PKD1L3: variants seen among roughly 807,000 people sequenced by gnomAD.
PKD1L3 encodes polycystin 1 like 3, transient receptor potential channel interacting.
In PKD1L3, 239 loss-of-function variants were observed where a neutral mutation model predicts 184.1. That is an observed-to-expected ratio of 1.30 (90% CI 1.17 to 1.45). PKD1L3 has a LOEUF of 1.45. Among genes scored for constraint, PKD1L3 ranks in the 40% most tolerant of loss-of-function variants. The pLI is 0.00. For synonymous variants in PKD1L3, 996 were observed against 778.8 expected, an observed-to-expected ratio of 1.28 and a Z score of -4.64; for missense variants, 2,660 against 2,067.2, an observed-to-expected ratio of 1.29 and a Z score of -5.56.
intron 4 of PKD1L3, among the ~76,000 whole-genome samples, chr16:71,988,753 C>G (rs76719467): frequency 0.022 from 3,333 of 152,188 alleles, 119 homozygotes; most frequent in African/African-American, 0.076. Context: ...TTATTGAGTC[C>G]AAGTTTTATG....
At chr16:71,943,747 C>T (rs544726345) in intron 23 of PKD1L3, among the ~76,000 whole-genome samples, 1 of 152,132 alleles carries the variant, frequency 6.6e-6, no homozygotes, top group African/African-American at 2.4e-5. Context: ...GAAGAGCCAT[C>T]TGCCAAAGCA....
At chr16:71,968,351 A>T (rs1240599883) in intron 13 of PKD1L3, among the ~76,000 whole-genome samples, 1 of 152,306 alleles carries the variant, frequency 6.6e-6, no homozygotes, top group Non-Finnish European at 1.5e-5. Context: ...AACTATGAAT[A>T]ATTTGGGGCA....
rs963009806 is a variant in PKD1L3 at position 71,947,608 on chromosome 16, C to T, written c.3619-17G>A. On this transcript the variant is annotated splice_polypyrimidine_tract_variant and intron_variant, in intron 21 of 29. Coordinates refer to ENST00000620267, the MANE Select transcript of PKD1L3 (RefSeq NM_181536.2). ...GAAGACCACCTGGGCAGGAGAATCA[C>T]AGAACATCGTGAGCAGACATTACAG... is the stretch of plus-strand genomic sequence containing the variant. 39 of 1,471,134 alleles carry T rather than the reference C, an allele frequency of 2.7e-5. No homozygotes were observed. Among genetic ancestry groups the T allele is most frequent in the South Asian group, 2.5e-4 (21 of 82,368 alleles). 91.1% of individuals were successfully genotyped at this position (1,471,134 alleles called of 1,614,324 possible). A position where few individuals can be genotyped will look rare whatever the true frequency, so the allele number is the denominator to read the frequency against.
rs1181773430 is a variant in PKD1L3 at position 71,945,291 on chromosome 16, TATATATATATATATAC to T, written c.3719-1137_3719-1122del. Among the ~76,000 whole-genome samples the T allele has an allele frequency of 3.1e-4, 20 of 65,314 alleles. No individual in the cohort carries two copies. The South Asian group carries it at 4.4e-3, about 14-fold the overall frequency. The allele number at this position is 65,314 out of a possible 152,430, so 42.8% of individuals were successfully genotyped here. ...CTATATATATATATATATATATATA[TATATATATATATATAC>T]ACACACACACACACATATATACACA... On this transcript the variant is annotated intron_variant, in intron 22 of 29. Coordinates refer to ENST00000620267, the MANE Select transcript of PKD1L3 (RefSeq NM_181536.2).
intron 16 of PKD1L3, 85 bp downstream of exon 16, chr16:71,963,120 T>A: frequency 3.0e-6 from 4 of 1,312,168 alleles, no homozygotes; most frequent in Non-Finnish European, 4.1e-6. Context: ...AAATGTTAAT[T>A]TGCATTAAAA....
chr16:71,943,830 AAT>A (rs2038455970), intron 23 of PKD1L3, among the ~76,000 whole-genome samples, 198 bp downstream of exon 23: 1 of 152,200 alleles, frequency 6.6e-6, no homozygotes, highest in African/African-American at 2.4e-5. Context: ...TCAAGCACAC[AAT>A]AAAACCTCTA....
Position 71,979,888 on chromosome 16 carries a change from C to T in PKD1L3, c.1296G>A (p.Leu432=). The change falls in exon 9 of 30, where the codon CTG becomes CTA. Residue 432 remains leucine, a synonymous_variant. Coordinates refer to ENST00000620267, the MANE Select transcript of PKD1L3 (RefSeq NM_181536.2). ...LSRQNISTLP[L]SSYTLGHPAP... is the part of the protein sequence containing the mutation. ...CTGGGTGACCCAGAGTGTAAGAGCT[C>T]AGCGGTAAAGTTGATATGTTTTGTC... 1.3e-6 allele frequency: 2 copies of T among 1,549,116 alleles called. No homozygotes were observed. Among genetic ancestry groups the T allele is most frequent in the South Asian group, 2.4e-5 (2 of 83,272 alleles).
At position 71,979,989 on chromosome 16, in the gene PKD1L3, T is replaced by G. The variant is rs2040086720; in HGVS notation, c.1271+18A>C. ...GAAAAACACAGTGAAACTCTCCCCG[T>G]TCCTTCTTCCCATTAACCTGCTCAG... On this transcript the variant is annotated intron_variant, in intron 8 of 29. Transcript: ENST00000620267. 1.9e-6 allele frequency: 3 copies of G among 1,551,334 alleles called. No homozygotes were observed. The highest frequency in any genetic ancestry group is 2.6e-6 in the Non-Finnish European group (3 of 1,146,952).
intron 2 of PKD1L3, among the ~76,000 whole-genome samples, chr16:71,996,258 T>C (rs1291166510): frequency 1.6e-5 from 1 of 62,518 alleles, no homozygotes; most frequent in Non-Finnish European, 3.4e-5. Context: ...CCCGCCTTTT[T>C]TTTTTTTTTT....
intron 16 of PKD1L3, among the ~76,000 whole-genome samples, chr16:71,958,373 C>T (rs1460362455): frequency 1.2e-4 from 15 of 124,180 alleles, no homozygotes; most frequent in South Asian, 2.8e-4. Flanking sequence ...GGCGACAGAG[C>T]GAGACTCCGT....
rs2039445126 is a variant in PKD1L3, at chr16:71,964,973, A to T, written c.2466-1622T>A. On this transcript the variant is annotated intron_variant, in intron 15 of 29. Coordinates refer to ENST00000620267, the MANE Select transcript of PKD1L3 (RefSeq NM_181536.2). ...GTGATTCTCCCGCCTCAGCCCCCCA[A>T]GTAGCTGGGAGTACAGGCATGAGCC... Among the ~76,000 whole-genome samples the T allele has an allele frequency of 2.0e-5, 3 of 151,606 alleles. No homozygotes were observed. The South Asian group carries it at 6.2e-4, about 32-fold the overall frequency.
chr16:71,943,066 A>G (rs930873139), intron 23 of PKD1L3, 42 bp from the exon 24 acceptor site: 1 of 1,427,394 alleles, frequency 7.0e-7, no homozygotes, highest in African/African-American at 1.4e-5. Flanking sequence ...TGAGTGGTTA[A>G]CTTAGAAATC....
chr16:71,962,986 G>A (rs1179853921), intron 16 of PKD1L3, among the ~76,000 whole-genome samples: 1 of 152,020 alleles, frequency 6.6e-6, no homozygotes, highest in Non-Finnish European at 1.5e-5. Context: ...GAAAATAAGG[G>A]CAATATTTAT....
intron 13 of PKD1L3, among the ~76,000 whole-genome samples, chr16:71,968,409 G>A (rs11644740): frequency 0.13 from 19,499 of 152,120 alleles, 1,684 homozygotes; most frequent in Non-Finnish European, 0.18. Flanking sequence ...AATTTAACTA[G>A]GTAGCCTGTA....
chr16:71,951,041 CCT>C (rs2038811285), intron 19 of PKD1L3, among the ~76,000 whole-genome samples: 1 of 149,154 alleles, frequency 6.7e-6, no homozygotes, highest in Non-Finnish European at 1.5e-5. Context: ...CCCTGCCCGA[CCT>C]GTGTTTTTTT....
At chr16:71,955,643 A>ATT (rs1454424636) in intron 16 of PKD1L3, among the ~76,000 whole-genome samples, 1 of 151,832 alleles carries the variant, frequency 6.6e-6, no homozygotes, top group Admixed American at 6.6e-5. Flanking sequence ...TACACCTAAT[A>ATT]GGGCTTAGCT....
intron 10 of PKD1L3, 64 bp downstream of exon 10, chr16:71,978,191 C>A: frequency 6.7e-7 from 1 of 1,484,836 alleles, no homozygotes; most frequent in Non-Finnish European, 9.1e-7. Context: ...GTTGTTGCAT[C>A]CTTCCATCCT....
chr16:72,000,283 G>A lies in PKD1L3; in HGVS notation c.-305C>T, dbSNP rs1351063198. ...AGCTGAGTCTAAGCTGCACTGGGTA[G>A]AGGATGATGAATATCTAACATCTAA... On this transcript the variant is annotated 5_prime_UTR_variant, in exon 1 of 30. Transcript: ENST00000620267. Among the ~76,000 whole-genome samples the A allele has an allele frequency of 1.3e-5, 2 of 152,176 alleles. No individual in the cohort carries two copies. The highest frequency in any genetic ancestry group is 4.8e-5 in the African/African-American group (2 of 41,428).
In PKD1L3 at chr16:71,951,803, C is replaced by T. The variant is rs1006217278; in HGVS notation, c.3010-59G>A. 1.2e-5 allele frequency: 18 copies of T among 1,460,334 alleles called. No individual in the cohort carries two copies. In the East Asian group the frequency reaches 4.2e-4, roughly 34 times the overall value. The allele number at this position is 1,460,334 out of a possible 1,614,324, so 90.5% of individuals were successfully genotyped here. A position where few individuals can be genotyped will look rare whatever the true frequency, so the allele number is the denominator to read the frequency against. ...GTTTTTCATTAACCCAGGATTTGTA[C>T]CAATTACAGGTGGTAAGGCCGTTCC... is the stretch of plus-strand genomic sequence containing the variant. On this transcript the variant is annotated intron_variant, in intron 18 of 29. Coordinates refer to ENST00000620267, the MANE Select transcript of PKD1L3 (RefSeq NM_181536.2).
Sources: gnomAD v4.1 joint callset for allele counts (sites outside exome capture counted in the v4.1 genomes callset) on GRCh38, gnomAD v4.1.1 for gene constraint, MANE v1.5 for transcripts, NCBI Gene and HGNC (gene_info 2026-07-23, HGNC 2026-07-21) for gene names.